Variants in HOOK3 observed in about 807,000 individuals in gnomAD.
HOOK3 encodes hook microtubule tethering protein 3, also known as protein Hook homolog 3.
In HOOK3, 24 loss-of-function variants were observed where a neutral mutation model predicts 116.3. The ratio of observed to expected loss-of-function variants is 0.21; its 90% confidence interval spans 0.15 to 0.29. The LOEUF (loss-of-function observed/expected upper bound fraction) is 0.29. Ranked by LOEUF, HOOK3 falls within the 10% of genes least tolerant of loss-of-function variation. The probability of loss-of-function intolerance (pLI) is 1.00; values close to 1 mark genes in which losing one functional copy is unlikely to be tolerated. For missense variants in HOOK3, 632 were observed against 830.2 expected (o/e 0.76, Z 2.93); for synonymous variants, 275 against 283.0 (o/e 0.97, Z 0.28).
chr8:42,941,605 A>G (rs1169107734), intron 4 of HOOK3, among the ~76,000 whole-genome samples: 1 of 150,808 alleles, frequency 6.6e-6, no homozygotes, highest in African/African-American at 2.4e-5. Flanking sequence ...TGATTTTCCT[A>G]TTCAAGGAGA....
intron 5 of HOOK3, among the ~76,000 whole-genome samples, chr8:42,948,274 G>C (rs987305594): frequency 6.6e-6 from 1 of 152,096 alleles, no homozygotes; most frequent in Non-Finnish European, 1.5e-5. Context: ...AACAGTGAAG[G>C]CTTCAGGATA....
rs1457279629 is a variant in HOOK3, at chr8:43,026,999, C to G, written c.*8501C>G. 5.5e-6 allele frequency: 1 copy of G among 181,386 alleles called. No homozygotes were observed. The highest frequency in any genetic ancestry group is 1.2e-5 in the Non-Finnish European group (1 of 85,174). 11.2% of individuals were successfully genotyped at this position (181,386 alleles called of 1,614,324 possible). A position where few individuals can be genotyped will look rare whatever the true frequency, so the allele number is the denominator to read the frequency against. On this transcript the variant is annotated 3_prime_UTR_variant, in exon 22 of 22. Coordinates refer to ENST00000307602, the MANE Select transcript of HOOK3 (RefSeq NM_032410.4). ...CTCCACCTCCCGGTTTCAAGTGATT[C>G]TCCCACCTCAGCCTCCCGAGTAGTT...
chr8:42,901,475 G>T (rs573034622), intron 1 of HOOK3, among the ~76,000 whole-genome samples: 2 of 152,218 alleles, frequency 1.3e-5, no homozygotes, highest in African/African-American at 4.8e-5. Context: ...TCACAAGATT[G>T]TGCAGTCATC....
At chr8:43,007,702 A>C in intron 17 of HOOK3, 145 bp from the exon 18 acceptor site, 1 of 413,140 alleles carries the variant, frequency 2.4e-6, no homozygotes, top group Middle Eastern at 4.3e-4. Context: ...AAATATATTA[A>C]ATTTGTGTTT....
intron 14 of HOOK3, among the ~76,000 whole-genome samples, chr8:42,983,451 C>G (rs1251643035): frequency 6.6e-6 from 1 of 151,918 alleles, no homozygotes; most frequent in Non-Finnish European, 1.5e-5. Flanking sequence ...TCAATCATAC[C>G]TTATATTTTT....
chr8:42,898,276 C>T (rs1372180963), intron 1 of HOOK3, among the ~76,000 whole-genome samples: 1 of 152,208 alleles, frequency 6.6e-6, no homozygotes, highest in African/African-American at 2.4e-5. Flanking sequence ...CAATTTCTGT[C>T]CTCTGAAACA....
In HOOK3 at chr8:42,920,147, C is replaced by T. The variant is rs534016209; in HGVS notation, c.144-5410C>T. On this transcript the variant is annotated intron_variant, in intron 2 of 21. Transcript: ENST00000307602. ...TCTCTTAGCAGGAGTTAGGACATAG[C>T]GAGCAGCTAATAATAGCATCTTACT... 3.9e-5 allele frequency among the ~76,000 whole-genome samples: 6 copies of T among 152,200 alleles called. No individual in the cohort carries two copies. In the South Asian group the frequency reaches 1.0e-3, roughly 26 times the overall value.
chr8:43,008,075 G>C, intron 18 of HOOK3, 146 bp downstream of exon 18: 2 of 355,198 alleles, frequency 5.6e-6, no homozygotes, highest in African/African-American at 2.1e-5. Flanking sequence ...CTGGAGTGCA[G>C]TGGTGCGATT....
intron 13 of HOOK3, among the ~76,000 whole-genome samples, chr8:42,980,176 C>G (rs1469644768): frequency 6.6e-6 from 1 of 152,032 alleles, no homozygotes; most frequent in Non-Finnish European, 1.5e-5. Flanking sequence ...TGGTCTTGAA[C>G]TCCTGACCTC....
At chr8:42,907,448 C>T (rs182729862) in intron 2 of HOOK3, among the ~76,000 whole-genome samples, 2 of 152,106 alleles carry the variant, frequency 1.3e-5, no homozygotes, top group African/African-American at 2.4e-5. Context: ...TAATGAAGCT[C>T]AAGAAGGCTC....
chr8:42,905,958 G>A (rs551434493), intron 1 of HOOK3, among the ~76,000 whole-genome samples: 16 of 151,940 alleles, frequency 1.1e-4, no homozygotes, highest in Non-Finnish European at 1.3e-4. Context: ...GTGGTAGTGC[G>A]TTCCTGTAAT....
intron 11 of HOOK3, among the ~76,000 whole-genome samples, chr8:42,972,082 T>G (rs1262959790): frequency 2.6e-5 from 4 of 152,240 alleles, no homozygotes; most frequent in Admixed American, 2.0e-4. Context: ...GATCTTATTC[T>G]GTTATTTTTT....
intron 18 of HOOK3, among the ~76,000 whole-genome samples, chr8:43,009,175 T>C (rs1809554592): frequency 6.6e-6 from 1 of 151,044 alleles, no homozygotes. Flanking sequence ...GAGGCCGAGG[T>C]GGGTGGATTG....
chr8:42,942,570 T>C (rs1397445549), intron 4 of HOOK3, among the ~76,000 whole-genome samples: 2 of 152,364 alleles, frequency 1.3e-5, no homozygotes, highest in South Asian at 4.1e-4. Flanking sequence ...CATCTAGTTA[T>C]AGGATGTTTA....
At chr8:43,009,771 C>T (rs1809568625) in intron 18 of HOOK3, among the ~76,000 whole-genome samples, 1 of 152,164 alleles carries the variant, frequency 6.6e-6, no homozygotes, top group Admixed American at 6.6e-5. Flanking sequence ...ATCTACAAAA[C>T]TGTATCATCT....
At chr8:42,964,017 C>T (rs1383969657) in intron 8 of HOOK3, among the ~76,000 whole-genome samples, 1 of 152,054 alleles carries the variant, frequency 6.6e-6, no homozygotes, top group African/African-American at 2.4e-5. Context: ...ACCATTCTGG[C>T]TAACATGGTG....
In HOOK3 at chr8:43,021,054, A is replaced by AT; in HGVS notation, c.*2557dup. 1 of 140,006 alleles carries AT rather than the reference A, an allele frequency of 7.1e-6. No individual in the cohort carries two copies. The highest frequency in any genetic ancestry group is 1.9e-4 in the East Asian group (1 of 5,322). 8.7% of individuals were successfully genotyped at this position (140,006 alleles called of 1,614,324 possible). On this transcript the variant is annotated 3_prime_UTR_variant, in exon 22 of 22. Transcript: ENST00000307602. Reference sequence around the variant, plus strand: ...GAGACAGAGATTGCAGTGAGCCGAGATGGCGCCATTGCACCCCAGCCTGGC... The same window carrying AT: ...GAGACAGAGATTGCAGTGAGCCGAGATTGGCGCCATTGCACCCCAGCCTGGC...
chr8:43,000,590 G>A (rs1012845191), intron 16 of HOOK3, among the ~76,000 whole-genome samples: 4 of 152,014 alleles, frequency 2.6e-5, no homozygotes, highest in Non-Finnish European at 5.9e-5. Context: ...CCATGCTTTG[G>A]TAGGAACAGT....
intron 7 of HOOK3, among the ~76,000 whole-genome samples, chr8:42,957,521 A>G (rs1047983434): frequency 3.3e-5 from 5 of 152,198 alleles, no homozygotes; most frequent in African/African-American, 1.2e-4. Context: ...TATATGAATC[A>G]TAAGAATAAG....
Sources: allele counts gnomAD v4.1 joint callset (sites outside exome capture counted in the v4.1 genomes callset), GRCh38; gene constraint gnomAD v4.1.1; transcripts MANE v1.5; gene names NCBI Gene and HGNC (gene_info 2026-07-23, HGNC 2026-07-21).